Variants in P3H2 observed in about 807,000 individuals in gnomAD.
P3H2 encodes the protein prolyl 3-hydroxylase 2, also known as leprecan-like 1.
In P3H2, 80 loss-of-function variants were observed where a neutral mutation model predicts 87.0. The ratio of observed to expected loss-of-function variants is 0.92; its 90% confidence interval spans 0.77 to 1.11. The LOEUF is 1.11. Among genes scored for constraint, P3H2 ranks in the 50% least tolerant of loss-of-function variants. The pLI, the probability that P3H2 is intolerant of heterozygous loss-of-function variation, is 0.00. For synonymous variants in P3H2, 367 were observed against 359.3 expected, an observed-to-expected ratio of 1.02 and a Z score of -0.24; for missense variants, 1,001 against 923.9, an observed-to-expected ratio of 1.08 and a Z score of -1.08.
intron 1 of P3H2, among the ~76,000 whole-genome samples, chr3:190,045,150 G>A (rs1186303017): frequency 1.3e-5 from 2 of 152,120 alleles, no homozygotes; most frequent in Non-Finnish European, 2.9e-5. Context: ...CATCTCTGAG[G>A]AAAAGAAAAA....
chr3:189,967,583 A>G (rs1042181342), intron 13 of P3H2, among the ~76,000 whole-genome samples: 3 of 151,464 alleles, frequency 2.0e-5, no homozygotes, highest in Non-Finnish European at 4.4e-5. Flanking sequence ...TGCTTCCTAC[A>G]CTCAAGCTTT....
At chr3:190,046,094 G>A (rs1022149530) in intron 1 of P3H2, among the ~76,000 whole-genome samples, 9 of 147,428 alleles carry the variant, frequency 6.1e-5, no homozygotes, top group Non-Finnish European at 1.0e-4. Context: ...CTGCACTCCC[G>A]CCTGGGCGAC....
intron 1 of P3H2, among the ~76,000 whole-genome samples, chr3:190,048,302 C>G (rs979230388): frequency 6.6e-6 from 1 of 152,094 alleles, no homozygotes; most frequent in Non-Finnish European, 1.5e-5. Context: ...TCGAGACCAG[C>G]CTGGCCAACA....
intron 1 of P3H2, among the ~76,000 whole-genome samples, chr3:190,038,787 A>G (rs567720055): frequency 1.3e-5 from 2 of 152,244 alleles, no homozygotes; most frequent in South Asian, 4.1e-4. Flanking sequence ...ATGAAACCAT[A>G]TGCCACAATA....
At chr3:190,072,029 T>C in intron 1 of P3H2, among the ~76,000 whole-genome samples, 1 of 144,488 alleles carries the variant, frequency 6.9e-6, no homozygotes, top group Non-Finnish European at 1.5e-5. Flanking sequence ...TTGCCCCGGC[T>C]GGAGTGCAGT....
intron 1 of P3H2, among the ~76,000 whole-genome samples, chr3:189,995,889 A>C (rs1724038961): frequency 6.6e-6 from 1 of 152,202 alleles, no homozygotes; most frequent in Non-Finnish European, 1.5e-5. Context: ...AGGGAAATGC[A>C]AGTCAAAATC....
At chr3:190,057,409 C>G (rs906647876) in intron 1 of P3H2, among the ~76,000 whole-genome samples, 1 of 152,154 alleles carries the variant, frequency 6.6e-6, no homozygotes, top group African/African-American at 2.4e-5. Flanking sequence ...TGTATCTGAA[C>G]CCCGCTGGTT....
chr3:189,963,855 T>C, intron 14 of P3H2, 103 bp downstream of exon 14: 1 of 1,168,614 alleles, frequency 8.6e-7, no homozygotes, highest in Non-Finnish European at 1.3e-6. Flanking sequence ...AGAACTGCCT[T>C]TACCCTCTTC....
At chr3:190,120,198 G>A in intron 1 of P3H2, 54 bp downstream of exon 1, 1 of 1,581,234 alleles carries the variant, frequency 6.3e-7, no homozygotes. Context: ...GAGGGCTCAA[G>A]AGAGCGTGTG....
Position 189,991,391 on chromosome 3 carries a change from A to G in P3H2, c.824-2353T>C, listed in dbSNP as rs532895733. On this transcript the variant is annotated intron_variant, in intron 3 of 14. Coordinates refer to ENST00000319332, the MANE Select transcript of P3H2 (RefSeq NM_018192.4). ...ATTGTCTCTATAAGAAACCTTAAAA[A>G]TAATTCTTAACAATAATCCTAAACC... Among the ~76,000 whole-genome samples, 16 of 152,356 alleles carry G rather than the reference A, an allele frequency of 1.1e-4. No individual in the cohort carries two copies. The East Asian group carries it at 2.7e-3, about 26-fold the overall frequency.
At chr3:189,974,142 T>G in intron 9 of P3H2, 138 bp from the exon 10 acceptor site, 2 of 715,468 alleles carry the variant, frequency 2.8e-6, no homozygotes, top group East Asian at 5.2e-5. Context: ...GATGCTGGTA[T>G]AACTATTCTT....
chr3:189,970,189 CAAATATAT>C (rs1213303815), intron 13 of P3H2, among the ~76,000 whole-genome samples: 2 of 20,042 alleles, frequency 1.0e-4, no homozygotes, highest in Non-Finnish European at 1.7e-4. Flanking sequence ...TATATATATG[CAAATATAT>C]ATATATATAT....
chr3:190,046,002 G>A lies in P3H2; in HGVS notation c.481-50560C>T, dbSNP rs192370252. On this transcript the variant is annotated intron_variant, in intron 1 of 14. Transcript: ENST00000319332. ...GCCAGCCGTGGTGGCGGGCGCCTGT[G>A]GTCCCAGCTACTCAGGAGGCTGAGG... is the stretch of plus-strand genomic sequence containing the variant. Among the ~76,000 whole-genome samples the A allele has an allele frequency of 8.6e-3, 1,313 of 152,070 alleles. 13 individuals are homozygous for A. The highest frequency in any genetic ancestry group is 0.028 in the African/African-American group (1,145 of 41,496).
intron 1 of P3H2, among the ~76,000 whole-genome samples, chr3:190,015,504 C>T (rs1724723982): frequency 6.6e-6 from 1 of 152,114 alleles, no homozygotes; most frequent in African/African-American, 2.4e-5. Flanking sequence ...CATGCCAATA[C>T]CAGCGTTCTA....
intron 1 of P3H2, among the ~76,000 whole-genome samples, chr3:190,082,175 G>A (rs1727065308): frequency 6.6e-6 from 1 of 152,160 alleles, no homozygotes; most frequent in East Asian, 1.9e-4. Flanking sequence ...AGAATCACCT[G>A]AACCCGGTAG....
At chr3:190,016,237 A>G (rs1450664202) in intron 1 of P3H2, among the ~76,000 whole-genome samples, 1 of 151,884 alleles carries the variant, frequency 6.6e-6, no homozygotes, top group Non-Finnish European at 1.5e-5. Flanking sequence ...CCTAATTTTT[A>G]TTTTTATTTA....
Position 190,087,391 on chromosome 3 carries a change from G to T in P3H2, c.480+32861C>A, listed in dbSNP as rs376385675. On this transcript the variant is annotated intron_variant, in intron 1 of 14. Coordinates refer to ENST00000319332, the MANE Select transcript of P3H2 (RefSeq NM_018192.4). ...CTCTACTAAAAATACAAAAAAAAAA[G>T]AAATTAGCTGGGTGTGGTGGCGGGC... Among the ~76,000 whole-genome samples, 4 of 150,676 alleles carry T rather than the reference G, an allele frequency of 2.7e-5. No homozygotes were observed. In the South Asian group the frequency reaches 8.4e-4, roughly 32 times the overall value.
At position 190,040,995 on chromosome 3, in the gene P3H2, G is replaced by A. The variant is rs150640502; in HGVS notation, c.481-45553C>T. Reference sequence around the variant, plus strand: ...ACTCAGGAGTTAAAGATCAGCCTGGGCAACATGGCAAAACCATGGCTCTAC... The same window carrying A: ...ACTCAGGAGTTAAAGATCAGCCTGGACAACATGGCAAAACCATGGCTCTAC... On this transcript the variant is annotated intron_variant, in intron 1 of 14. Transcript: ENST00000319332. Among the ~76,000 whole-genome samples, 716 of 131,302 alleles carry A rather than the reference G, an allele frequency of 5.5e-3. 12 individuals carry two copies. The highest frequency in any genetic ancestry group is 0.018 in the African/African-American group (674 of 38,260). The allele number at this position is 131,302 out of a possible 152,430, so 86.1% of individuals were successfully genotyped here. A position where few individuals can be genotyped will look rare whatever the true frequency, so the allele number is the denominator to read the frequency against.
At chr3:190,113,669 T>A (rs140492767) in intron 1 of P3H2, among the ~76,000 whole-genome samples, 259 of 152,346 alleles carry the variant, frequency 1.7e-3, no homozygotes, top group African/African-American at 5.9e-3. Flanking sequence ...CCAAGAGAAT[T>A]TCACAGCTAC....
Sources: allele counts gnomAD v4.1 joint callset (sites outside exome capture counted in the v4.1 genomes callset), GRCh38; gene constraint gnomAD v4.1.1; transcripts MANE v1.5; gene names NCBI Gene and HGNC (gene_info 2026-07-23, HGNC 2026-07-21).